Variants in CNTNAP2 observed in about 807,000 individuals in gnomAD.
CNTNAP2 encodes contactin-associated protein-like 2.
A neutral mutation model predicts 155.2 loss-of-function variants in CNTNAP2; 98 were observed. The ratio of observed to expected loss-of-function variants is 0.63; its 90% CI spans 0.54 to 0.75. CNTNAP2 has a LOEUF of 0.75. Among genes scored for constraint, CNTNAP2 ranks in the 30% least tolerant of loss-of-function variants. The probability of loss-of-function intolerance (pLI) is 0.00; values close to 1 mark genes in which losing one functional copy is unlikely to be tolerated. For synonymous variants in CNTNAP2, 651 were observed against 631.2 expected, an observed-to-expected ratio of 1.03 and a Z score of -0.47; for missense variants, 1,727 against 1,688.1, an observed-to-expected ratio of 1.02 and a Z score of -0.40.
At chr7:147,561,281 T>C (rs1800060086) in intron 11 of CNTNAP2, among the ~76,000 whole-genome samples, 1 of 152,224 alleles carries the variant, frequency 6.6e-6, no homozygotes, top group African/African-American at 2.4e-5. Flanking sequence ...CAGGTTGACA[T>C]ATTTTTACCG....
At chr7:146,633,599 G>T (rs1378296907) in intron 1 of CNTNAP2, among the ~76,000 whole-genome samples, 2 of 151,996 alleles carry the variant, frequency 1.3e-5, no homozygotes, top group Non-Finnish European at 2.9e-5. Context: ...ATAATCTTTA[G>T]GGAAAAATGA....
chr7:147,502,703 G>A (rs1400345721), intron 11 of CNTNAP2, among the ~76,000 whole-genome samples: 1 of 147,128 alleles, frequency 6.8e-6, no homozygotes, highest in African/African-American at 2.5e-5. Flanking sequence ...CCCGATTGTG[G>A]TAATCATTTC....
At chr7:146,563,917 A>G (rs1389667904) in intron 1 of CNTNAP2, among the ~76,000 whole-genome samples, 1 of 152,112 alleles carries the variant, frequency 6.6e-6, no homozygotes, top group Non-Finnish European at 1.5e-5. Flanking sequence ...TGGAGATACT[A>G]CCTGGTGATC....
chr7:147,002,705 G>T (rs1486912854), intron 3 of CNTNAP2, among the ~76,000 whole-genome samples: 1 of 151,844 alleles, frequency 6.6e-6, no homozygotes. Flanking sequence ...TTTGGTGAGG[G>T]CTTGCTTTCT....
intron 8 of CNTNAP2, among the ~76,000 whole-genome samples, chr7:147,253,376 G>C (rs999290970): frequency 6.9e-6 from 1 of 145,230 alleles, no homozygotes; most frequent in Non-Finnish European, 1.5e-5. Context: ...AGCTTAACAG[G>C]TTCTCTGTTT....
intron 1 of CNTNAP2, among the ~76,000 whole-genome samples, chr7:146,490,480 G>A (rs1383808107): frequency 5.3e-5 from 8 of 152,158 alleles, no homozygotes; most frequent in Non-Finnish European, 7.4e-5. Flanking sequence ...ATGTTTTCCC[G>A]CGACATAACT....
At chr7:147,233,353 C>T (rs1185247323) in intron 8 of CNTNAP2, among the ~76,000 whole-genome samples, 1 of 152,180 alleles carries the variant, frequency 6.6e-6, no homozygotes, top group African/African-American at 2.4e-5. Context: ...TGTTGACTCA[C>T]AGAGTCTGCA....
At chr7:146,250,888 AT>A (rs1799745668) in intron 1 of CNTNAP2, among the ~76,000 whole-genome samples, 1 of 152,150 alleles carries the variant, frequency 6.6e-6, no homozygotes, top group South Asian at 2.1e-4. Context: ...AAGATATAAA[AT>A]TACCATGCAT....
intron 1 of CNTNAP2, among the ~76,000 whole-genome samples, chr7:146,166,723 AACTCTGT>A (rs1798317915): frequency 6.6e-6 from 1 of 152,236 alleles, no homozygotes; most frequent in African/African-American, 2.4e-5. Flanking sequence ...TTGGATTGTT[AACTCTGT>A]TTACCTTAAA....
chr7:148,052,434 C>A (rs1256706264), intron 15 of CNTNAP2, among the ~76,000 whole-genome samples: 2 of 147,968 alleles, frequency 1.4e-5, no homozygotes, highest in Non-Finnish European at 1.5e-5. Context: ...GAAATACAAA[C>A]TGAAACAAGA....
chr7:146,586,550 C>G (rs1043308798), intron 1 of CNTNAP2, among the ~76,000 whole-genome samples: 2 of 152,108 alleles, frequency 1.3e-5, no homozygotes, highest in African/African-American at 2.4e-5. Context: ...CACACACACT[C>G]CCCCACACAT....
chr7:146,289,982 T>C (rs1800403415), intron 1 of CNTNAP2, among the ~76,000 whole-genome samples: 1 of 152,234 alleles, frequency 6.6e-6, no homozygotes, highest in African/African-American at 2.4e-5. Flanking sequence ...TTATAAATCA[T>C]ATAGCTTGGA....
At chr7:147,868,590 G>A (rs544542702) in intron 13 of CNTNAP2, among the ~76,000 whole-genome samples, 1 of 152,356 alleles carries the variant, frequency 6.6e-6, no homozygotes, top group South Asian at 2.1e-4. Context: ...GGAGTCTATA[G>A]AGGCAGTAGG....
At chr7:146,585,224 C>T (rs570835974) in intron 1 of CNTNAP2, among the ~76,000 whole-genome samples, 1 of 152,100 alleles carries the variant, frequency 6.6e-6, no homozygotes, top group South Asian at 2.1e-4. Context: ...CTGGTTCAAG[C>T]CATTTTCCTG....
At chr7:148,190,795 C>G (rs1197066893) in intron 18 of CNTNAP2, 3 of 151,410 alleles carry the variant, frequency 2.0e-5, no homozygotes, top group African/African-American at 7.3e-5. Context: ...AGTACAAATA[C>G]TGGAGAACCC....
intron 10 of CNTNAP2, among the ~76,000 whole-genome samples, chr7:147,471,244 T>TGCAAC (rs1798211940): frequency 6.6e-6 from 1 of 152,142 alleles, no homozygotes; most frequent in African/African-American, 2.4e-5. Context: ...GCATACAAAG[T>TGCAAC]TTAACCTGAA....
chr7:147,440,005 C>T (rs932252685), intron 10 of CNTNAP2, among the ~76,000 whole-genome samples: 4 of 151,792 alleles, frequency 2.6e-5, no homozygotes, highest in Non-Finnish European at 4.4e-5. Context: ...ATTGGGTCCT[C>T]TTTTTTCATC....
At chr7:147,533,886 G>A (rs1799489504) in intron 11 of CNTNAP2, among the ~76,000 whole-genome samples, 1 of 152,192 alleles carries the variant, frequency 6.6e-6, no homozygotes, top group Admixed American at 6.5e-5. Flanking sequence ...CTATCAATAA[G>A]TGAAACCATT....
chr7:146,689,631 T>C (rs966838377), intron 1 of CNTNAP2, among the ~76,000 whole-genome samples: 4 of 152,162 alleles, frequency 2.6e-5, no homozygotes, highest in Admixed American at 6.6e-5. Flanking sequence ...AACTTGTCCT[T>C]TGTGCTGACT....
Sources: allele counts gnomAD v4.1 joint callset (sites outside exome capture counted in the v4.1 genomes callset), GRCh38; gene constraint gnomAD v4.1.1; transcripts MANE v1.5; gene names NCBI Gene and HGNC (gene_info 2026-07-23, HGNC 2026-07-21).